The following MID1 variants were observed in gnomAD, a reference collection of about 807,000 sequenced individuals.
The protein encoded by MID1 is midline 1, also known as E3 ubiquitin-protein ligase Midline-1.
In MID1, 7 loss-of-function variants were observed where a neutral mutation model predicts 40.4. The ratio of observed to expected loss-of-function variants is 0.17; its 90% CI spans 0.10 to 0.33. MID1 has a LOEUF of 0.33. MID1 is among the 10% of genes least tolerant of loss of function. MID1 has a pLI of 1.00. For missense variants in MID1, 367 were observed against 558.5 expected (o/e 0.66, Z 3.46); for synonymous variants, 229 against 221.2 (o/e 1.04, Z -0.31).
intron 1 of MID1, among the ~76,000 whole-genome samples, chrX:10,782,667 T>C (rs1391453723): frequency 2.7e-5 from 3 of 112,276 alleles, no homozygotes; most frequent in African/African-American, 9.7e-5. Flanking sequence ...TATTGAGATG[T>C]AATTATGCAG....
intron 1 of MID1, among the ~76,000 whole-genome samples, chrX:10,730,564 C>CTTTTTTTTT (rs1188069622): frequency 1.3e-5 from 1 of 78,139 alleles, no homozygotes; most frequent in African/African-American, 5.6e-5. Flanking sequence ...TCAGATACAT[C>CTTTTTTTTT]TTTTTTTTTT....
At chrX:10,818,023 G>C (rs2044151553) in intron 1 of MID1, among the ~76,000 whole-genome samples, 1 of 111,936 alleles carries the variant, frequency 8.9e-6, no homozygotes, top group Non-Finnish European at 1.9e-5. Context: ...TGCCATTTTT[G>C]TATATTTATA....
chrX:10,791,705 T>C (rs2043932317), intron 1 of MID1, among the ~76,000 whole-genome samples: 1 of 111,020 alleles, frequency 9.0e-6, no homozygotes, highest in Non-Finnish European at 1.9e-5. Context: ...CAGAAATTTC[T>C]GAGTTTAGGA....
At chrX:10,773,379 C>T (rs758957420) in intron 1 of MID1, among the ~76,000 whole-genome samples, 4 of 112,283 alleles carry the variant, frequency 3.6e-5, no homozygotes, top group African/African-American at 1.3e-4. Context: ...TATTTCTTAC[C>T]TCTCTTCCCT....
In MID1 at chrX:10,716,569, T is replaced by G. The variant is rs192269849; in HGVS notation, c.-186-96150A>C. Among the ~76,000 whole-genome samples the G allele has an allele frequency of 1.6e-3, 180 of 111,959 alleles. 4 individuals carry two copies. In the East Asian group the frequency reaches 0.044, roughly 27 times the overall value. ...TGAAAAGACCAAATCTACATCTGAT[T>G]GGTGTACCTGAAAGTGACGGGGAGA... On this transcript the variant is annotated intron_variant, in intron 1 of 10. Coordinates refer to the MID1 transcript ENST00000380785.
chrX:10,460,766 T>G (rs1243222724), intron 7 of MID1, among the ~76,000 whole-genome samples: 1 of 111,184 alleles, frequency 9.0e-6, no homozygotes, highest in Non-Finnish European at 1.9e-5. Context: ...CCTTTGATCT[T>G]GAGGCAACTT....
intron 2 of MID1, among the ~76,000 whole-genome samples, chrX:10,548,934 A>G (rs188403463): frequency 5.3e-5 from 6 of 112,314 alleles, no homozygotes; most frequent in Non-Finnish European, 9.4e-5. Context: ...AAGAATTAAG[A>G]GATTTTCAAC....
At chrX:10,825,604 A>C in intron 1 of MID1, among the ~76,000 whole-genome samples, 1 of 111,743 alleles carries the variant, frequency 8.9e-6, no homozygotes, top group East Asian at 2.8e-4. Context: ...AAGGGATCTC[A>C]GCTGAGAAAA....
intron 1 of MID1, among the ~76,000 whole-genome samples, chrX:10,643,860 A>G (rs1936232266): frequency 8.9e-6 from 1 of 111,820 alleles, no homozygotes; most frequent in Admixed American, 9.5e-5. Context: ...TTGTAGGGAC[A>G]AGGATGAAGC....
intron 3 of MID1, among the ~76,000 whole-genome samples, chrX:10,502,929 T>C (rs770221847): frequency 6.2e-5 from 7 of 112,283 alleles, no homozygotes; most frequent in African/African-American, 1.9e-4. Context: ...TTAGTGGTAC[T>C]ACATAATGTG....
intron 1 of MID1, among the ~76,000 whole-genome samples, chrX:10,737,920 G>T (rs1430783404): frequency 9.0e-6 from 1 of 111,288 alleles, no homozygotes; most frequent in Non-Finnish European, 1.9e-5. Context: ...AGAGACCAAG[G>T]GGGGATAGAA....
At chrX:10,758,684 G>A (rs1294278537) in intron 1 of MID1, among the ~76,000 whole-genome samples, 2 of 107,675 alleles carry the variant, frequency 1.9e-5, no homozygotes, top group Non-Finnish European at 3.8e-5. Flanking sequence ...GTAGAGACGG[G>A]GTTTCACCAG....
chrX:10,828,944 C>T (rs1176282506), intron 1 of MID1, among the ~76,000 whole-genome samples: 2 of 112,083 alleles, frequency 1.8e-5, no homozygotes, highest in African/African-American at 3.2e-5. Flanking sequence ...ATGTCTCCAT[C>T]GATAGATGAG....
chrX:10,544,074 C>T (rs73477285), intron 2 of MID1, among the ~76,000 whole-genome samples: 3,364 of 111,752 alleles, frequency 0.03, 137 homozygotes, highest in African/African-American at 0.1. Context: ...GTGATGCCAG[C>T]GCTGGAACTC....
intron 1 of MID1, among the ~76,000 whole-genome samples, chrX:10,824,632 T>C (rs377332955): frequency 8.9e-6 from 1 of 112,581 alleles, no homozygotes; most frequent in Non-Finnish European, 1.9e-5. Context: ...CTTTGGGACA[T>C]ACTATTCCGA....
intron 1 of MID1, among the ~76,000 whole-genome samples, chrX:10,577,198 T>A (rs1310753746): frequency 8.9e-6 from 1 of 111,851 alleles, no homozygotes; most frequent in Non-Finnish European, 1.9e-5. Context: ...CAGCAGCAGC[T>A]TGGCCGAATG....
rs756667399 is a variant in MID1, at chrX:10,734,619, A to G, written c.-187+98935T>C. On this transcript the variant is annotated intron_variant, in intron 1 of 10. Transcript: ENST00000380785. ...TCATATAACAGAATACTATTGCGCC[A>G]TAAAAAGGAGGAAACAACAGGTTCA... is the stretch of plus-strand genomic sequence containing the variant. Among the ~76,000 whole-genome samples the G allele has an allele frequency of 3.6e-5, 4 of 111,201 alleles. No homozygotes were observed. The East Asian group carries it at 1.1e-3, about 31-fold the overall frequency.
rs892240370 is a variant in MID1, at chrX:10,447,643, G to A, written c.*1725C>T. ...GGTATCTATCAAAATATTCATCTGG[G>A]TATAAATAATATAGTAAATATATAG... On this transcript the variant is annotated 3_prime_UTR_variant, in exon 10 of 10. Coordinates refer to ENST00000317552, the MANE Select transcript of MID1 (RefSeq NM_000381.4). 1 of 111,350 alleles carries A rather than the reference G, an allele frequency of 9.0e-6. No homozygotes were observed. Among genetic ancestry groups the A allele is most frequent in the Non-Finnish European group, 1.9e-5 (1 of 53,096 alleles). 9.2% of individuals were successfully genotyped at this position (111,350 alleles called of 1,213,427 possible). A position where few individuals can be genotyped will look rare whatever the true frequency, so the allele number is the denominator to read the frequency against.
rs1172327892 is a variant in MID1 at position 10,565,807 on chromosome X, A to ATT, written c.660+1079_660+1080dup. Among the ~76,000 whole-genome samples the ATT allele has an allele frequency of 7.6e-3, 657 of 86,966 alleles. 6 individuals carry two copies. The highest frequency in any genetic ancestry group is 0.026 in the South Asian group (46 of 1,776). The allele number at this position is 86,966 out of a possible 115,157, so 75.5% of individuals were successfully genotyped here. Reference sequence around the variant, plus strand: ...GCTTTCTATCCATACTTAGAGAGTGATTTTTTTTTTTTTTTTTTTTGAGAG... The same window carrying ATT: ...GCTTTCTATCCATACTTAGAGAGTGATTTTTTTTTTTTTTTTTTTTTTGAGAG... On this transcript the variant is annotated intron_variant, in intron 2 of 9. Transcript: ENST00000317552.
Sources: gnomAD v4.1 joint callset for allele counts (sites outside exome capture counted in the v4.1 genomes callset) on GRCh38, gnomAD v4.1.1 for gene constraint, MANE v1.5 for transcripts, NCBI Gene and HGNC (gene_info 2026-07-23, HGNC 2026-07-21) for gene names.